The following MMD2 variants were observed in gnomAD, a reference collection of about 807,000 sequenced individuals.
MMD2 encodes the protein monocyte to macrophage differentiation associated 2.
A neutral mutation model predicts 33.5 loss-of-function variants in MMD2; 30 were observed. The ratio of observed to expected loss-of-function variants is 0.90; its 90% CI spans 0.67 to 1.22. The LOEUF is 1.22. MMD2 is among the 50% of genes most tolerant of loss of function. MMD2 has a pLI of 0.00. For synonymous variants in MMD2, 129 were observed against 123.0 expected (o/e 1.05, Z -0.32); for missense variants, 364 against 325.4 (o/e 1.12, Z -0.91).
At chr7:4,899,126 C>A in the MMD2 span, among the ~76,000 whole-genome samples, 1 of 152,064 alleles carries the variant, frequency 6.6e-6, no homozygotes, top group Non-Finnish European at 1.5e-5. Context: ...TGGGAGGACA[C>A]AATGAGAAAA....
intron 1 of MMD2, among the ~76,000 whole-genome samples, chr7:4,930,773 C>T (rs186948305): frequency 9.2e-5 from 14 of 152,220 alleles, no homozygotes; most frequent in Middle Eastern, 3.4e-3. Context: ...TTTTGTAAGC[C>T]GCTGCTGTGT....
chr7:4,896,083 G>A, the MMD2 span, among the ~76,000 whole-genome samples: 12 of 152,166 alleles, frequency 7.9e-5, no homozygotes, highest in East Asian at 1.9e-4. Flanking sequence ...TGTTTTTGGC[G>A]GCAGTTGTCA....
chr7:4,892,617 A>T, the MMD2 span, among the ~76,000 whole-genome samples: 1 of 149,154 alleles, frequency 6.7e-6, no homozygotes, highest in Admixed American at 7.0e-5. Flanking sequence ...TAAATAAATA[A>T]ATCTGAAAAA....
At chr7:4,919,232 C>A (rs1320848350) in intron 3 of MMD2, among the ~76,000 whole-genome samples, 1 of 152,140 alleles carries the variant, frequency 6.6e-6, no homozygotes, top group Non-Finnish European at 1.5e-5. Context: ...CCGTCGTGAC[C>A]ACCCTGCAGC....
intron 3 of MMD2, among the ~76,000 whole-genome samples, chr7:4,918,460 TTTTC>T (rs1252580307): frequency 1.3e-5 from 2 of 149,724 alleles, no homozygotes; most frequent in Non-Finnish European, 2.9e-5. Context: ...ATAAGGTTTC[TTTTC>T]TTTTTCTTTT....
chr7:4,935,047 A>G (rs1051251190), intron 1 of MMD2, among the ~76,000 whole-genome samples: 1 of 152,194 alleles, frequency 6.6e-6, no homozygotes, highest in Admixed American at 6.5e-5. Context: ...TTAGCCAGGC[A>G]TGGTGGCGCA....
At chr7:4,947,993 C>T (rs1479917264) in intron 1 of MMD2, among the ~76,000 whole-genome samples, 4 of 152,024 alleles carry the variant, frequency 2.6e-5, no homozygotes, top group Non-Finnish European at 2.9e-5. Context: ...CCACCGCGCC[C>T]GGCCACTACA....
At chr7:4,931,087 G>A (rs1010371130) in intron 1 of MMD2, among the ~76,000 whole-genome samples, 2 of 152,044 alleles carry the variant, frequency 1.3e-5, no homozygotes, top group Admixed American at 1.3e-4. Context: ...CTGACCTCAG[G>A]TGATCCACTT....
intron 1 of MMD2, among the ~76,000 whole-genome samples, chr7:4,950,023 T>C (rs1786196774): frequency 6.6e-6 from 1 of 152,150 alleles, no homozygotes. Context: ...TCAAATGTAC[T>C]ATCCTAACCA....
rs138841718 is a variant in MMD2 at position 4,939,196 on chromosome 7, C to T, written c.48-13664G>A. 7.7e-4 allele frequency among the ~76,000 whole-genome samples: 109 copies of T among 140,864 alleles called. 1 individual carries two copies. In the East Asian group the frequency reaches 0.02, roughly 26 times the overall value. The allele number at this position is 140,864 out of a possible 152,430, so 92.4% of individuals were successfully genotyped here. On this transcript the variant is annotated intron_variant, in intron 1 of 6. Transcript: ENST00000401401. Reference sequence around the variant, plus strand: ...CAGCCTGGGTGACAGGGCGAGACTCCGTCTCAAAAAAAAACCCAAAAAAAA... The same window carrying T: ...CAGCCTGGGTGACAGGGCGAGACTCTGTCTCAAAAAAAAACCCAAAAAAAA...
chr7:4,925,603 G>C (rs978394471), intron 1 of MMD2, 71 bp from the exon 2 acceptor site: 27 of 1,224,086 alleles, frequency 2.2e-5, no homozygotes, highest in Non-Finnish European at 3.1e-5. Flanking sequence ...CAGGAAGCCT[G>C]AAGACCTTAC....
chr7:4,916,908 T>C (rs992738683), intron 3 of MMD2, among the ~76,000 whole-genome samples: 1 of 151,896 alleles, frequency 6.6e-6, no homozygotes, highest in African/African-American at 2.4e-5. Flanking sequence ...TCATCTCTAC[T>C]AAAAATTAGG....
intron 1 of MMD2, among the ~76,000 whole-genome samples, chr7:4,935,782 C>A (rs1785724965): frequency 6.6e-6 from 1 of 151,722 alleles, no homozygotes; most frequent in South Asian, 2.1e-4. Context: ...TTGCTTTGGA[C>A]CCTGTACTTG....
intron 1 of MMD2, among the ~76,000 whole-genome samples, chr7:4,945,121 C>G (rs916912242): frequency 1.4e-5 from 2 of 147,396 alleles, no homozygotes; most frequent in East Asian, 4.0e-4. Flanking sequence ...TTTTCTTTTT[C>G]TCTCTTTCCT....
intron 4 of MMD2, among the ~76,000 whole-genome samples, chr7:4,912,836 G>T (rs1785049877): frequency 6.6e-6 from 1 of 152,014 alleles, no homozygotes; most frequent in Non-Finnish European, 1.5e-5. Context: ...CTCCCGAGTA[G>T]CTGGGATTAC....
At chr7:4,929,996 A>T (rs1264586274) in intron 1 of MMD2, among the ~76,000 whole-genome samples, 1 of 151,932 alleles carries the variant, frequency 6.6e-6, no homozygotes, top group Non-Finnish European at 1.5e-5. Flanking sequence ...AGGGCCGGGT[A>T]TGGTGGCTCA....
At chr7:4,910,830 T>C (rs1784986498) in intron 5 of MMD2, among the ~76,000 whole-genome samples, 1 of 152,330 alleles carries the variant, frequency 6.6e-6, no homozygotes, top group South Asian at 2.1e-4. Context: ...GGTTTCATCA[T>C]GTTGGCCAGG....
chr7:4,895,483 G>A, the MMD2 span, among the ~76,000 whole-genome samples: 1 of 152,152 alleles, frequency 6.6e-6, no homozygotes, highest in Non-Finnish European at 1.5e-5. Flanking sequence ...TTGACTTAGG[G>A]CTGAGGTTCC....
chr7:4,947,755 A>G (rs1215201887), intron 1 of MMD2, among the ~76,000 whole-genome samples: 2 of 125,902 alleles, frequency 1.6e-5, no homozygotes, highest in African/African-American at 3.1e-5. Context: ...GCTGGAGCAC[A>G]GTGGTGCGAT....
Sources: gnomAD v4.1 joint callset for allele counts (sites outside exome capture counted in the v4.1 genomes callset) on GRCh38, gnomAD v4.1.1 for gene constraint, MANE v1.5 for transcripts, NCBI Gene and HGNC (gene_info 2026-07-23, HGNC 2026-07-21) for gene names.